RCC2: variants seen among roughly 807,000 people sequenced by gnomAD.
The protein encoded by RCC2 is regulator of chromosome condensation 2, also known as protein RCC2.
Under a neutral mutation model 64.1 loss-of-function variants are expected in RCC2, and 19 were observed. The observed-to-expected ratio is 0.30, with a 90% CI of 0.21 to 0.44. The LOEUF (loss-of-function observed/expected upper bound fraction) is 0.44, where lower values mean the gene tolerates loss of function less well. Ranked by LOEUF, RCC2 falls within the 20% of genes least tolerant of loss-of-function variation. The pLI is 1.00. For synonymous variants in RCC2, 325 were observed against 279.6 expected, an observed-to-expected ratio of 1.16 and a Z score of -1.62; for missense variants, 508 against 710.4, an observed-to-expected ratio of 0.72 and a Z score of 3.24.
At position 17,409,144 on chromosome 1, in the gene RCC2, C is replaced by T. The variant is rs1265741716; in HGVS notation, c.1515G>A (p.Glu505=). The T allele has an allele frequency of 6.2e-7, 1 of 1,614,098 alleles. No homozygotes were observed. Among genetic ancestry groups the T allele is most frequent in the Non-Finnish European group, 8.5e-7 (1 of 1,180,000 alleles). ...GTTTCTTGATCTTCTCTTTCTCAGT[C>T]TCACTTTCATCTCTTGCTATCACCA... ...HSLVIARDES[E]TEKEKIKKLP... The change falls in exon 13 of 13, where the codon GAG becomes GAA. Residue 505 remains glutamate (E), a synonymous_variant. Coordinates refer to ENST00000375436, the MANE Select transcript of RCC2 (RefSeq NM_018715.4).
At chr1:17,435,744 C>T (rs539760284) in intron 2 of RCC2, among the ~76,000 whole-genome samples, 2 of 152,216 alleles carry the variant, frequency 1.3e-5, no homozygotes, top group East Asian at 3.9e-4. Context: ...TGGTGAAACC[C>T]CGTCTCTACT....
chr1:17,409,358 G>A (rs573161344), intron 12 of RCC2, among the ~76,000 whole-genome samples, 164 bp from the exon 13 acceptor site: 1 of 152,356 alleles, frequency 6.6e-6, no homozygotes, highest in Admixed American at 6.5e-5. Flanking sequence ...TAGTTTCCAT[G>A]TGACTGCCAC....
chr1:17,438,520 C>T lies in RCC2; in HGVS notation c.-6G>A. Reference sequence around the variant, plus strand: ...GCCGCCTTCTTCCTGGGCATGGTCGCGGCTGGAGGGAGACACGGGGCAGCG... The same window carrying T: ...GCCGCCTTCTTCCTGGGCATGGTCGTGGCTGGAGGGAGACACGGGGCAGCG... On this transcript the variant is annotated splice_region_variant and 5_prime_UTR_variant, in exon 2 of 13. Coordinates refer to ENST00000375436, the MANE Select transcript of RCC2 (RefSeq NM_018715.4). 1 of 1,336,932 alleles carries T rather than the reference C, an allele frequency of 7.5e-7. No individual in the cohort carries two copies. Among genetic ancestry groups the T allele is most frequent in the Non-Finnish European group, 9.6e-7 (1 of 1,045,660 alleles). 82.8% of individuals were successfully genotyped at this position (1,336,932 alleles called of 1,614,324 possible). A position where few individuals can be genotyped will look rare whatever the true frequency, so the allele number is the denominator to read the frequency against.
intron 12 of RCC2, among the ~76,000 whole-genome samples, chr1:17,409,708 C>G (rs917715555): frequency 5.3e-5 from 8 of 152,228 alleles, no homozygotes; most frequent in Admixed American, 2.6e-4. Context: ...GCGATGTGCT[C>G]GCCCGAGAGT....
chr1:17,436,635 C>A (rs187626159), intron 2 of RCC2, among the ~76,000 whole-genome samples: 146 of 152,310 alleles, frequency 9.6e-4, no homozygotes, highest in African/African-American at 3.1e-3. Context: ...CTCCTTGGGT[C>A]AATCTCAGCA....
At chr1:17,423,186 C>G (rs2100374058) in intron 4 of RCC2, among the ~76,000 whole-genome samples, 1 of 152,290 alleles carries the variant, frequency 6.6e-6, no homozygotes, top group South Asian at 2.1e-4. Context: ...AGAGTGCCTG[C>G]AAGACAACCA....
chr1:17,427,806 G>C (rs926263976), intron 3 of RCC2, among the ~76,000 whole-genome samples: 7 of 152,050 alleles, frequency 4.6e-5, no homozygotes, highest in African/African-American at 1.7e-4. Context: ...GGAAGGGCTG[G>C]AGGGACTGGA....
intron 8 of RCC2, among the ~76,000 whole-genome samples, chr1:17,414,529 CAAAA>C (rs58627304): frequency 4.3e-4 from 15 of 35,268 alleles, no homozygotes; most frequent in African/African-American, 1.5e-3. Context: ...GACTCCATCT[CAAAA>C]AAAAAAAACA....
chr1:17,413,836 T>G, intron 8 of RCC2, 119 bp from the exon 9 acceptor site: 1 of 925,604 alleles, frequency 1.1e-6, no homozygotes, highest in East Asian at 2.5e-5. Flanking sequence ...ACAGCAACAT[T>G]CAAGATCCCC....
rs557457847 is a variant in RCC2 at position 17,430,876 on chromosome 1, T to C, written c.286-1677A>G. Among the ~76,000 whole-genome samples the C allele has an allele frequency of 7.8e-4, 118 of 151,824 alleles. 1 individual carries two copies. Among genetic ancestry groups the C allele is most frequent in the African/African-American group, 2.7e-3 (114 of 41,510 alleles). On this transcript the variant is annotated intron_variant, in intron 2 of 12. Transcript: ENST00000375436. Reference sequence around the variant, plus strand: ...CCCAAGTAGCTGGGATTACAGACACTCAGCTAATTTTGTGTGTTTTTAGTA... The same window carrying C: ...CCCAAGTAGCTGGGATTACAGACACCCAGCTAATTTTGTGTGTTTTTAGTA...
chr1:17,421,532 T>C (rs2075556227), intron 6 of RCC2, among the ~76,000 whole-genome samples: 1 of 152,024 alleles, frequency 6.6e-6, no homozygotes, highest in African/African-American at 2.4e-5. Flanking sequence ...CGTATTTGTA[T>C]TCTAAGCATC....
chr1:17,430,133 G>T (rs953630383), intron 2 of RCC2, among the ~76,000 whole-genome samples: 4 of 152,198 alleles, frequency 2.6e-5, no homozygotes, highest in African/African-American at 9.7e-5. Flanking sequence ...AGCATTCACT[G>T]CTATCACTTT....
intron 10 of RCC2, 99 bp from the exon 11 acceptor site, chr1:17,412,293 T>C (rs2075435489): frequency 1.9e-6 from 2 of 1,050,744 alleles, no homozygotes; most frequent in Admixed American, 4.6e-5. Flanking sequence ...CACTTTTCCC[T>C]TGGCGTACTC....
At chr1:17,422,966 A>ACAC in intron 4 of RCC2, 130 bp from the exon 5 acceptor site, 42 of 1,218,260 alleles carry the variant, frequency 3.4e-5, no homozygotes, top group Non-Finnish European at 4.5e-5. Context: ...CAAATTCCCA[A>ACAC]CAGCCAAGAT....
In RCC2 at chr1:17,409,198, G is replaced by A; in HGVS notation, c.1465-4C>T. On this transcript the variant is annotated splice_polypyrimidine_tract_variant and splice_region_variant and intron_variant, in intron 12 of 12. Transcript: ENST00000375436. ...AGTGTGAGTAGCCCATGGCGACCTGGGGGGACAAATCAGCGTTGGGTGTGC... is the reference window on the plus strand; with the variant it reads ...AGTGTGAGTAGCCCATGGCGACCTGAGGGGACAAATCAGCGTTGGGTGTGC... 1 of 1,602,296 alleles carries A rather than the reference G, an allele frequency of 6.2e-7. No individual in the cohort carries two copies. Among genetic ancestry groups the A allele is most frequent in the Non-Finnish European group, 8.6e-7 (1 of 1,169,180 alleles).
chr1:17,409,427 C>A (rs1466493620), intron 12 of RCC2, among the ~76,000 whole-genome samples: 1 of 152,228 alleles, frequency 6.6e-6, no homozygotes, highest in Non-Finnish European at 1.5e-5. Flanking sequence ...TGGAAGGAAG[C>A]CCACTGGGCC....
intron 2 of RCC2, among the ~76,000 whole-genome samples, chr1:17,430,756 C>T (rs972517671): frequency 1.3e-5 from 2 of 151,768 alleles, no homozygotes; most frequent in African/African-American, 2.4e-5. Context: ...CCATTGCACT[C>T]CCAGTGTTGC....
At position 17,412,158 on chromosome 1, in the gene RCC2, G is replaced by A. The variant is rs1197268223; in HGVS notation, c.1350C>T (p.Thr450=). 9 of 1,614,016 alleles carry A rather than the reference G, an allele frequency of 5.6e-6. No individual in the cohort carries two copies. In the Admixed American group the frequency reaches 8.3e-5, roughly 15 times the overall value. ...SSIIVAADES[T]ISWGPSPTFG... ...AGGTCGGTGACGGACCCCAGCTGATGGTGCTCTCATCGGCGGCCACAATGA... is the reference window on the plus strand; with the variant it reads ...AGGTCGGTGACGGACCCCAGCTGATAGTGCTCTCATCGGCGGCCACAATGA... The change falls in exon 11 of 13, where the codon ACC becomes ACT. Residue 450 remains threonine, a synonymous_variant. Transcript: ENST00000375436.
chr1:17,425,674 G>A lies in RCC2; in HGVS notation c.390C>T (p.Arg130=), dbSNP rs1357644979. The A allele has an allele frequency of 1.8e-5, 29 of 1,610,156 alleles. No individual in the cohort carries two copies. The highest frequency in any genetic ancestry group is 2.4e-5 in the Non-Finnish European group (28 of 1,176,994). Residue 130 remains arginine (R), a synonymous_variant, in exon 4 of 13, where the codon CGC becomes CGT. Transcript: ENST00000375436. ...KEVPKQQAAY[R]NLGQNLWGPH... ...GCCCCCACAAATTCTGACCGAGATT[G>A]CGGTAAGCAGCTGCAGAGAGAATGA...
Sources: allele counts gnomAD v4.1 joint callset (sites outside exome capture counted in the v4.1 genomes callset), GRCh38; gene constraint gnomAD v4.1.1; transcripts MANE v1.5; gene names NCBI Gene and HGNC (gene_info 2026-07-23, HGNC 2026-07-21).